The following TRIM36 variants were observed in gnomAD, a reference collection of about 807,000 sequenced individuals.
The protein encoded by TRIM36 is tripartite motif containing 36.
Under a neutral mutation model 72.4 loss-of-function variants are expected in TRIM36, and 42 were observed. That is an observed-to-expected ratio of 0.58 (90% CI 0.45 to 0.75). The LOEUF (loss-of-function observed/expected upper bound fraction) is 0.75. Among genes scored for constraint, TRIM36 ranks in the 30% least tolerant of loss-of-function variants. The pLI, the probability that TRIM36 is intolerant of heterozygous loss-of-function variation, is 0.00. For missense variants in TRIM36, 913 were observed against 857.1 expected (o/e 1.07, Z -0.81); for synonymous variants, 315 against 282.8 (o/e 1.11, Z -1.14).
intron 5 of TRIM36, among the ~76,000 whole-genome samples, chr5:115,138,392 C>A (rs1413886840): frequency 6.6e-6 from 1 of 152,084 alleles, no homozygotes; most frequent in African/African-American, 2.4e-5. Flanking sequence ...AGCCACCGCG[C>A]CTGGCCTAAA....
chr5:115,139,903 G>A (rs1247788318), intron 5 of TRIM36, among the ~76,000 whole-genome samples: 1 of 151,994 alleles, frequency 6.6e-6, no homozygotes, highest in Non-Finnish European at 1.5e-5. Flanking sequence ...ACAGACTCTG[G>A]GTCTTCATTT....
intron 5 of TRIM36, among the ~76,000 whole-genome samples, chr5:115,138,533 C>T (rs1753095313): frequency 6.6e-6 from 1 of 152,136 alleles, no homozygotes; most frequent in South Asian, 2.1e-4. Flanking sequence ...CTAATCATTT[C>T]ACTTCTCTTT....
intron 4 of TRIM36, among the ~76,000 whole-genome samples, chr5:115,144,200 G>A (rs1460985681): frequency 1.3e-5 from 2 of 152,130 alleles, no homozygotes; most frequent in African/African-American, 4.8e-5. Context: ...TGTGCCACCA[G>A]AATGAACAAA....
rs1753647416 is a variant in TRIM36, at chr5:115,147,346, G to A, written c.311C>T (p.Pro104Leu). Residue 104 changes from proline to leucine, a missense_variant, in exon 3 of 10, where the codon CCT becomes CTT. By Grantham distance (98) the Pro-to-Leu change is moderately conservative (BLOSUM62 -3). Transcript: ENST00000513154. Reference protein sequence around the residue: ...LTPRTTVFPCPGCEHDVDLGE... With the variant: ...LTPRTTVFPCLGCEHDVDLGE... ...AAGATCCACATCATGCTCACAGCCA[G>A]GGCAAGGGAAAACAGTTGTCCTCGG... The A allele has an allele frequency of 1.2e-6, 2 of 1,613,788 alleles. No individual in the cohort carries two copies. Among genetic ancestry groups the A allele is most frequent in the Non-Finnish European group, 1.7e-6 (2 of 1,179,788 alleles).
intron 3 of TRIM36, among the ~76,000 whole-genome samples, chr5:115,145,152 T>C (rs1007955952): frequency 6.6e-6 from 1 of 152,236 alleles, no homozygotes; most frequent in African/African-American, 2.4e-5. Context: ...ATATTTTTAA[T>C]GAAGTACCAT....
chr5:115,126,869 T>C lies in TRIM36; in HGVS notation c.1797-12A>G, dbSNP rs756208079. On this transcript the variant is annotated splice_polypyrimidine_tract_variant and intron_variant, in intron 9 of 9. Transcript: ENST00000513154. ...TGTCTTGCTCATATCTGAAACATAA[T>C]ACAAAGCATCTGTATCTTCAACAAT... 2 of 1,595,416 alleles carry C rather than the reference T, an allele frequency of 1.3e-6. No individual in the cohort carries two copies. The highest frequency in any genetic ancestry group is 1.7e-4 in the Middle Eastern group (1 of 5,940).
intron 6 of TRIM36, 68 bp downstream of exon 6, chr5:115,137,295 T>C: frequency 6.5e-7 from 1 of 1,536,738 alleles, no homozygotes; most frequent in East Asian, 2.3e-5. Context: ...AGAGCTAAAG[T>C]GAGAATACAC....
chr5:115,141,980 A>G (rs1753302072), intron 4 of TRIM36, among the ~76,000 whole-genome samples: 1 of 152,214 alleles, frequency 6.6e-6, no homozygotes, highest in Non-Finnish European at 1.5e-5. Flanking sequence ...CCACAGAAAT[A>G]CCATCCTAAG....
chr5:115,172,446 C>G (rs552350534), upstream of TRIM36, among the ~76,000 whole-genome samples: 66 of 152,244 alleles, frequency 4.3e-4, no homozygotes, highest in African/African-American at 1.5e-3. Context: ...GAAAGGATTT[C>G]TAAAATATAA....
chr5:115,141,550 C>T (rs1753276955), intron 4 of TRIM36, among the ~76,000 whole-genome samples, 176 bp from the exon 5 acceptor site: 1 of 151,964 alleles, frequency 6.6e-6, no homozygotes, highest in Admixed American at 6.6e-5. Context: ...TGGCCTTAGG[C>T]ACAGAGGGCC....
At chr5:115,159,072 T>C (rs1182605064) in intron 2 of TRIM36, among the ~76,000 whole-genome samples, 1 of 152,212 alleles carries the variant, frequency 6.6e-6, no homozygotes, top group Non-Finnish European at 1.5e-5. Flanking sequence ...CCCCATCTTT[T>C]ACATAGAATC....
intron 1 of TRIM36, chr5:115,179,935 C>T: frequency 6.3e-7 from 1 of 1,596,262 alleles, no homozygotes. Context: ...GTGCCGGAGT[C>T]GGGGGCCCAG....
chr5:115,138,257 G>A (rs1046190302), intron 5 of TRIM36, among the ~76,000 whole-genome samples: 5 of 151,954 alleles, frequency 3.3e-5, no homozygotes, highest in Admixed American at 6.5e-5. Flanking sequence ...ATGCCACCAC[G>A]CCCAGCTTTT....
upstream of TRIM36, among the ~76,000 whole-genome samples, chr5:115,170,399 G>A (rs1755050273): frequency 1.3e-5 from 2 of 152,340 alleles, no homozygotes; most frequent in South Asian, 4.1e-4. Flanking sequence ...CTCGGCACAG[G>A]ACGGTGCGGG....
chr5:115,170,035 G>C (rs1755024000), upstream of TRIM36: 29 of 990,604 alleles, frequency 2.9e-5, no homozygotes, highest in Non-Finnish European at 3.5e-5. Context: ...GGGGCTGGTA[G>C]GCCGGGTGTC....
intron 4 of TRIM36, among the ~76,000 whole-genome samples, chr5:115,144,389 T>C (rs1753459792): frequency 6.6e-6 from 1 of 152,112 alleles, no homozygotes; most frequent in Non-Finnish European, 1.5e-5. Context: ...ACAACATAGG[T>C]GTCAATATAT....
intron 4 of TRIM36, among the ~76,000 whole-genome samples, chr5:115,143,896 A>G (rs1012446561): frequency 6.6e-6 from 1 of 152,090 alleles, no homozygotes; most frequent in African/African-American, 2.4e-5. Flanking sequence ...TTTGAGACAG[A>G]GTCTCACTCT....
rs367572891 is a variant in TRIM36, at chr5:115,169,541, G to A, written c.27+67C>T. The A allele has an allele frequency of 4.8e-6, 7 of 1,470,558 alleles. No individual in the cohort carries two copies. In the South Asian group the frequency reaches 6.3e-5, roughly 13 times the overall value. 91.1% of individuals were successfully genotyped at this position (1,470,558 alleles called of 1,614,324 possible). A position where few individuals can be genotyped will look rare whatever the true frequency, so the allele number is the denominator to read the frequency against. ...GGCTCCCTCCGGGCTCCCGGCGGAG[G>A]AAAGAGAAAGAGCCGCGGTCGGCAC... On this transcript the variant is annotated intron_variant, in intron 1 of 9. Transcript: ENST00000513154.
At position 115,141,333 on chromosome 5, in the gene TRIM36, T is replaced by C; in HGVS notation, c.777A>G (p.Glu259=). 1.2e-6 allele frequency: 2 copies of C among 1,606,382 alleles called. No individual in the cohort carries two copies. Among genetic ancestry groups the C allele is most frequent in the Non-Finnish European group, 1.7e-6 (2 of 1,178,002 alleles). Residue 259 remains glutamate, a synonymous_variant, in exon 5 of 10, where the codon GAA becomes GAG. Coordinates refer to ENST00000513154, the MANE Select transcript of TRIM36 (RefSeq NM_001300759.2). ...CAGATATTTGACTCTTCACCTGGCT[T>C]TCCTTACCAATAAGGTAATCAATAT... ...SKDIDYLIGK[E]SQVKSQISEL...
Sources: allele counts gnomAD v4.1 joint callset (sites outside exome capture counted in the v4.1 genomes callset), GRCh38; gene constraint gnomAD v4.1.1; transcripts MANE v1.5; gene names NCBI Gene and HGNC (gene_info 2026-07-23, HGNC 2026-07-21).